The following PALM2AKAP2 variants were observed in gnomAD, a reference collection of about 807,000 sequenced individuals.
PALM2AKAP2 encodes the protein PALM2-AKAP2 fusion protein.
Under a neutral mutation model 71.5 loss-of-function variants are expected in PALM2AKAP2, and 37 were observed. The observed-to-expected ratio is 0.52, with a 90% CI of 0.40 to 0.68. The LOEUF (loss-of-function observed/expected upper bound fraction) is 0.68, where lower values mean the gene tolerates loss of function less well. Among genes scored for constraint, PALM2AKAP2 ranks in the 30% least tolerant of loss-of-function variants. The probability of loss-of-function intolerance (pLI) is 0.00; values close to 1 mark genes in which losing one functional copy is unlikely to be tolerated. For synonymous variants in PALM2AKAP2, 468 were observed against 478.8 expected (o/e 0.98, Z 0.29); for missense variants, 1,224 against 1,191.8 (o/e 1.03, Z -0.40).
At chr9:110,151,071 A>G (rs57900138) in intron 2 of PALM2AKAP2, among the ~76,000 whole-genome samples, 20,448 of 152,190 alleles carry the variant, frequency 0.13, 1,375 homozygotes, top group East Asian at 0.19. Flanking sequence ...GCCCATACTT[A>G]CTTATTAAAT....
intron 1 of PALM2AKAP2, among the ~76,000 whole-genome samples, chr9:109,689,446 C>T (rs577552546): frequency 4.6e-5 from 7 of 152,130 alleles, no homozygotes; most frequent in African/African-American, 9.6e-5. Flanking sequence ...GTGATCCACC[C>T]GCCTCGGCCA....
intron 1 of PALM2AKAP2, among the ~76,000 whole-genome samples, chr9:109,812,691 G>C (rs1223480805): frequency 6.6e-6 from 1 of 152,230 alleles, no homozygotes; most frequent in Non-Finnish European, 1.5e-5. Flanking sequence ...GGAAACCACA[G>C]GTCCTTCTCT....
chr9:109,965,744 A>G (rs1168347307), intron 6 of PALM2AKAP2, among the ~76,000 whole-genome samples: 3 of 152,230 alleles, frequency 2.0e-5, no homozygotes, highest in African/African-American at 7.2e-5. Flanking sequence ...TTTTACCACA[A>G]TAAAAAAATA....
At chr9:109,919,727 G>A (rs554823430) in intron 3 of PALM2AKAP2, among the ~76,000 whole-genome samples, 1 of 144,474 alleles carries the variant, frequency 6.9e-6, no homozygotes, top group East Asian at 2.1e-4. Flanking sequence ...ATATATGTGT[G>A]TATACATATG....
At chr9:109,931,080 C>T (rs11999319) in intron 5 of PALM2AKAP2, among the ~76,000 whole-genome samples, 65,992 of 152,020 alleles carry the variant, frequency 0.43, 16,385 homozygotes, top group East Asian at 0.74. Context: ...CCCAGCTTTC[C>T]GGAATCTTCC....
At chr9:110,129,627 A>G (rs748131964) in intron 1 of PALM2AKAP2, among the ~76,000 whole-genome samples, 2 of 152,208 alleles carry the variant, frequency 1.3e-5, no homozygotes, top group Non-Finnish European at 2.9e-5. Flanking sequence ...ATGATAAGCT[A>G]TTAGACATGT....
At chr9:109,901,408 C>T (rs1292935570) in intron 3 of PALM2AKAP2, among the ~76,000 whole-genome samples, 1 of 152,196 alleles carries the variant, frequency 6.6e-6, no homozygotes, top group African/African-American at 2.4e-5. Flanking sequence ...AGGGAGGACA[C>T]AGTTGATTCC....
chr9:109,937,681 A>G (rs1188032220), intron 6 of PALM2AKAP2, among the ~76,000 whole-genome samples: 1 of 152,194 alleles, frequency 6.6e-6, no homozygotes, highest in Non-Finnish European at 1.5e-5. Context: ...ATAAAAACAT[A>G]CTTCCAGATT....
intron 1 of PALM2AKAP2, among the ~76,000 whole-genome samples, chr9:109,840,867 A>G (rs2131582504): frequency 6.6e-6 from 1 of 152,360 alleles, no homozygotes. Flanking sequence ...GTCAGGAGAC[A>G]ACAGGTGCTG....
intron 5 of PALM2AKAP2, among the ~76,000 whole-genome samples, chr9:109,928,093 G>GTGTT (rs938229647): frequency 2.0e-5 from 3 of 152,216 alleles, no homozygotes; most frequent in Admixed American, 6.5e-5. Context: ...TGTAAGTTAT[G>GTGTT]TGTTTGTTTG....
At chr9:109,726,971 G>T (rs958157214) in intron 1 of PALM2AKAP2, among the ~76,000 whole-genome samples, 4 of 152,142 alleles carry the variant, frequency 2.6e-5, no homozygotes, top group African/African-American at 9.7e-5. Flanking sequence ...ACAATCTAGA[G>T]GGATCTTGAG....
chr9:109,790,259 G>A (rs1827079219), intron 1 of PALM2AKAP2, among the ~76,000 whole-genome samples: 2 of 151,854 alleles, frequency 1.3e-5, no homozygotes, highest in African/African-American at 4.8e-5. Flanking sequence ...TATCTTGAAG[G>A]CATTTGTAAA....
At chr9:109,940,971 C>G (rs890969095) in intron 6 of PALM2AKAP2, among the ~76,000 whole-genome samples, 2 of 152,086 alleles carry the variant, frequency 1.3e-5, no homozygotes, top group Non-Finnish European at 2.9e-5. Context: ...TATAAATGGC[C>G]AGATTTTAAC....
chr9:109,760,677 C>A (rs1220945477), intron 1 of PALM2AKAP2: 1 of 152,190 alleles, frequency 6.6e-6, no homozygotes, highest in East Asian at 1.9e-4. Context: ...GAGCTTCTCG[C>A]TTTCACTCAC....
chr9:109,765,456 C>G (rs1458689926), intron 1 of PALM2AKAP2: 6 of 141,760 alleles, frequency 4.2e-5, no homozygotes, highest in Non-Finnish European at 9.2e-5. Flanking sequence ...TGATCACCAT[C>G]ATCATGATCA....
At chr9:110,132,768 C>T (rs1409053231) in intron 1 of PALM2AKAP2, among the ~76,000 whole-genome samples, 1 of 151,920 alleles carries the variant, frequency 6.6e-6, no homozygotes. Flanking sequence ...AACCACCATG[C>T]CTGGCTAACT....
intron 1 of PALM2AKAP2, among the ~76,000 whole-genome samples, chr9:109,802,785 T>G (rs1329701312): frequency 6.6e-6 from 1 of 152,172 alleles, no homozygotes; most frequent in Non-Finnish European, 1.5e-5. Context: ...CCTGGCTGGG[T>G]GGTTACTTTC....
intron 2 of PALM2AKAP2, chr9:110,148,652 G>C (rs1836236398): frequency 6.6e-6 from 1 of 152,238 alleles, no homozygotes; most frequent in Admixed American, 6.5e-5. Context: ...TCCCAATGCT[G>C]TGTGAAGAAA....
chr9:109,691,881 C>CACAT (rs1827897125), intron 1 of PALM2AKAP2, among the ~76,000 whole-genome samples: 1 of 46,516 alleles, frequency 2.1e-5, no homozygotes, highest in South Asian at 8.2e-4. Flanking sequence ...CACACACACA[C>CACAT]ATATATATAT....
Sources: gnomAD v4.1 joint callset for allele counts (sites outside exome capture counted in the v4.1 genomes callset) on GRCh38, gnomAD v4.1.1 for gene constraint, MANE v1.5 for transcripts, NCBI Gene and HGNC (gene_info 2026-07-23, HGNC 2026-07-21) for gene names.